Variants in MYO18B observed in about 807,000 individuals in gnomAD.
MYO18B encodes the protein myosin XVIIIB, also known as unconventional myosin-XVIIIb.
In MYO18B, 204 loss-of-function variants were observed where a neutral mutation model predicts 273.0. That is an observed-to-expected ratio of 0.75 (90% confidence interval 0.67 to 0.84). MYO18B has a LOEUF of 0.84. MYO18B is among the 40% of genes least tolerant of loss of function. The pLI, the probability that MYO18B is intolerant of heterozygous loss-of-function variation, is 0.00. For missense variants in MYO18B, 3,212 were observed against 3,287.6 expected (o/e 0.98, Z 0.56); for synonymous variants, 1,330 against 1,305.7 (o/e 1.02, Z -0.40).
chr22:25,798,037 C>A lies in MYO18B; in HGVS notation c.2461C>A (p.Arg821=). 1 of 1,612,972 alleles carries A rather than the reference C, an allele frequency of 6.2e-7. No individual in the cohort carries two copies. The highest frequency in any genetic ancestry group is 8.5e-7 in the Non-Finnish European group (1 of 1,179,042). ...EMLGISESEQ[R]AVWRVLAAIY... The stretch of plus-strand genomic sequence containing the variant: ...GCTCGGCATCTCAGAGAGCGAGCAG[C>A]GGGCTGTTTGGCGGGTCCTGGCAGC... Residue 821 remains arginine (R), a synonymous_variant, in exon 12 of 44, where the codon CGG becomes AGG. Coordinates refer to ENST00000335473, the MANE Select transcript of MYO18B (RefSeq NM_032608.7).
chr22:26,012,560 G>A (rs1044184657), intron 42 of MYO18B, among the ~76,000 whole-genome samples: 1 of 152,182 alleles, frequency 6.6e-6, no homozygotes, highest in African/African-American at 2.4e-5. Flanking sequence ...CCAAAGGCCT[G>A]AGCAAGTGAA....
At chr22:25,959,941 G>T (rs1264767036) in intron 39 of MYO18B, among the ~76,000 whole-genome samples, 1 of 152,200 alleles carries the variant, frequency 6.6e-6, no homozygotes, top group African/African-American at 2.4e-5. Context: ...CTGGGCCCTG[G>T]AGAGCAGTGG....
chr22:26,019,940 G>A (rs2073541446), intron 42 of MYO18B, among the ~76,000 whole-genome samples: 1 of 152,196 alleles, frequency 6.6e-6, no homozygotes, highest in South Asian at 2.1e-4. Context: ...TTACATCGCA[G>A]TGGATCTTGA....
At chr22:25,924,582 G>C (rs2092394063) in intron 34 of MYO18B, among the ~76,000 whole-genome samples, 1 of 152,230 alleles carries the variant, frequency 6.6e-6, no homozygotes, top group Non-Finnish European at 1.5e-5. Context: ...TGTTTAGCTT[G>C]GGTGGTCAGC....
rs747042494 is a variant in MYO18B at position 25,952,319 on chromosome 22, G to C, written c.5866G>C (p.Glu1956Gln). The C allele has an allele frequency of 1.2e-5, 19 of 1,611,304 alleles. No individual in the cohort carries two copies. The highest frequency in any genetic ancestry group is 1.6e-5 in the Non-Finnish European group (19 of 1,178,970). The change falls in exon 38 of 44, where the codon GAA (glutamate) becomes CAA (glutamine). Residue 1956 changes from glutamate (E) to glutamine (Q), a missense_variant. By Grantham distance (29) the Glu-to-Gln change is conservative (BLOSUM62 2). Coordinates refer to ENST00000335473, the MANE Select transcript of MYO18B (RefSeq NM_032608.7). The stretch of plus-strand genomic sequence containing the variant: ...GGCTCAGATGCGCATCGAGTACCTG[G>C]AACAGTCCACCGTGGATCGAGCCAT... ...QVAQMRIEYL[E>Q]QSTVDRAIVS...
chr22:25,893,001 G>C lies in MYO18B; in HGVS notation c.4543+1589G>C, dbSNP rs2301499. 2.2e-4 allele frequency among the ~76,000 whole-genome samples: 34 copies of C among 152,312 alleles called. No individual in the cohort carries two copies. In the East Asian group the frequency reaches 6.4e-3, roughly 28 times the overall value. ...ATGTGCTTAGCTCATGGGCACATTAGTCACAATGCTATATAGGCTCTCAGC... is the reference window on the plus strand; with the variant it reads ...ATGTGCTTAGCTCATGGGCACATTACTCACAATGCTATATAGGCTCTCAGC... On this transcript the variant is annotated intron_variant, in intron 27 of 43. Coordinates refer to ENST00000335473, the MANE Select transcript of MYO18B (RefSeq NM_032608.7).
At chr22:25,814,294 C>CTTTTTTTTTTTTTTTTTTT (rs398036691) in intron 12 of MYO18B, among the ~76,000 whole-genome samples, 1 of 59,496 alleles carries the variant, frequency 1.7e-5, no homozygotes, top group Non-Finnish European at 3.2e-5. Context: ...AGGCACCGTT[C>CTTTTTTTTTTTTTTTTTTT]TTTTTTTTTT....
At chr22:25,787,901 CCA>C (rs1325766861) in intron 11 of MYO18B, among the ~76,000 whole-genome samples, 3 of 152,088 alleles carry the variant, frequency 2.0e-5, no homozygotes, top group East Asian at 3.9e-4. Context: ...GAGCTTTGGC[CCA>C]AAATATCCGT....
intron 39 of MYO18B, among the ~76,000 whole-genome samples, chr22:25,973,129 TCTTCTTGGTG>T (rs2093053367): frequency 6.6e-6 from 1 of 152,198 alleles, no homozygotes; most frequent in Non-Finnish European, 1.5e-5. Flanking sequence ...AGCATCACTT[TCTTCTTGGTG>T]CTTCCAGTGT....
chr22:25,982,695 G>C (rs949534534), intron 39 of MYO18B, among the ~76,000 whole-genome samples: 1 of 151,972 alleles, frequency 6.6e-6, no homozygotes, highest in Non-Finnish European at 1.5e-5. Context: ...TGACCCCCTT[G>C]CCTCCATCTT....
chr22:25,791,596 A>G (rs2087663948), intron 11 of MYO18B, among the ~76,000 whole-genome samples: 2 of 152,138 alleles, frequency 1.3e-5, no homozygotes, highest in South Asian at 4.2e-4. Flanking sequence ...TCTTTTTTGC[A>G]ACCTAGCCTA....
intron 34 of MYO18B, among the ~76,000 whole-genome samples, chr22:25,924,930 T>C (rs1341666718): frequency 6.6e-6 from 1 of 152,194 alleles, no homozygotes; most frequent in Admixed American, 6.5e-5. Flanking sequence ...AACACTTAAG[T>C]GTGTTATTTC....
Position 25,876,211 on chromosome 22 carries a change from G to A in MYO18B, c.4103G>A (p.Cys1368Tyr), listed in dbSNP as rs1264464444. ...CAGATTCGCCGACTGGCTGCACAGTGCATCCAGAAGAATGTGGCTGTGTTC... is the reference window on the plus strand; with the variant it reads ...CAGATTCGCCGACTGGCTGCACAGTACATCCAGAAGAATGTGGCTGTGTTC... ...KLKIRRLAAQ[C>Y]IQKNVAVFLA... The change falls in exon 24 of 44, where the codon TGC (cysteine) becomes TAC (tyrosine). Residue 1368 changes from cysteine to tyrosine, a missense_variant. Coordinates refer to ENST00000335473, the MANE Select transcript of MYO18B (RefSeq NM_032608.7). The A allele has an allele frequency of 1.9e-6, 3 of 1,612,830 alleles. No individual in the cohort carries two copies. The East Asian group carries it at 6.7e-5, about 36-fold the overall frequency.
At chr22:25,823,756 C>CT (rs143285237) in intron 13 of MYO18B, 78 bp downstream of exon 13, 304,403 of 1,460,540 alleles carry the variant, frequency 0.21, 34,952 homozygotes, top group Non-Finnish European at 0.22. Context: ...CATTCTTTAA[C>CT]TTTTTTATCA....
At chr22:26,048,040 G>C in the MYO18B span, among the ~76,000 whole-genome samples, 1 of 152,080 alleles carries the variant, frequency 6.6e-6, no homozygotes, top group Non-Finnish European at 1.5e-5. Context: ...TCACATCTCA[G>C]CTTCAACGTG....
intron 34 of MYO18B, among the ~76,000 whole-genome samples, chr22:25,932,825 G>T (rs956471966): frequency 2.3e-5 from 3 of 128,504 alleles, no homozygotes; most frequent in African/African-American, 6.5e-5. Context: ...GGTGAGCAAA[G>T]AATTTTTTTT....
intron 31 of MYO18B, 40 bp from the exon 32 acceptor site, chr22:25,908,282 A>G (rs573547176): frequency 1.3e-4 from 199 of 1,488,716 alleles, no homozygotes; most frequent in Non-Finnish European, 1.7e-4. Context: ...GGAGAGTTAG[A>G]GTGGGTCACC....
chr22:25,759,855 A>G (rs133871), intron 1 of MYO18B, among the ~76,000 whole-genome samples: 58,295 of 151,944 alleles, frequency 0.38, 11,850 homozygotes, highest in East Asian at 0.51. Context: ...ATCGGACTTC[A>G]TGTCTGCTCT....
chr22:25,847,625 C>T lies in MYO18B; in HGVS notation c.3748C>T (p.Leu1250=). ...LRVQLAGFHI[L]EALRLHRTGY... is the part of the protein sequence containing the mutation. ...GGTCCAGCTTGCTGGGTTCCACATCCTGGAGGCTCTGCGTCTGCATAGGAC... is the reference window on the plus strand; with the variant it reads ...GGTCCAGCTTGCTGGGTTCCACATCTTGGAGGCTCTGCGTCTGCATAGGAC... The change falls in exon 20 of 44, where the codon CTG becomes TTG. Residue 1250 remains leucine, a synonymous_variant. Transcript: ENST00000335473. 1.3e-6 allele frequency: 2 copies of T among 1,560,640 alleles called. No individual in the cohort carries two copies. Among genetic ancestry groups the T allele is most frequent in the Non-Finnish European group, 1.7e-6 (2 of 1,152,750 alleles).
Sources: gnomAD v4.1 joint callset for allele counts (sites outside exome capture counted in the v4.1 genomes callset) on GRCh38, gnomAD v4.1.1 for gene constraint, MANE v1.5 for transcripts, NCBI Gene and HGNC (gene_info 2026-07-23, HGNC 2026-07-21) for gene names.